RAB11FIP5: variants seen among roughly 807,000 people sequenced by gnomAD.
The protein encoded by RAB11FIP5 is RAB11 family interacting protein 5, also known as rab11 family-interacting protein 5.
In RAB11FIP5, 48 loss-of-function variants were observed where a neutral mutation model predicts 85.1. That is an observed-to-expected ratio of 0.56 (90% CI 0.45 to 0.72). The LOEUF (loss-of-function observed/expected upper bound fraction) is 0.72, where lower values mean the gene tolerates loss of function less well. Among genes scored for constraint, RAB11FIP5 ranks in the 30% least tolerant of loss-of-function variants. The pLI is 0.00. For missense variants in RAB11FIP5, 1,491 were observed against 1,687.0 expected (o/e 0.88, Z 2.04); for synonymous variants, 729 against 727.3 (o/e 1.00, Z -0.04).
At position 73,075,969 on chromosome 2, in the gene RAB11FIP5, C is replaced by A; in HGVS notation, c.3771+24G>T. 6.3e-7 allele frequency: 1 copy of A among 1,598,624 alleles called. No homozygotes were observed. The highest frequency in any genetic ancestry group is 1.1e-5 in the South Asian group (1 of 89,074). Reference sequence around the variant, plus strand: ...CTCCACCACACATTCTGTCAGATGGCCCCCACACCCTGCTGGGCCTTACCT... The same window carrying A: ...CTCCACCACACATTCTGTCAGATGGACCCCACACCCTGCTGGGCCTTACCT... On this transcript the variant is annotated intron_variant, in intron 5 of 5. Transcript: ENST00000486777. The surrounding 1 kb of genome is among the most constrained non-coding windows in gnomAD (Gnocchi z 4.6).
In RAB11FIP5 at chr2:73,088,200, C is replaced by T; in HGVS notation, c.1418G>A (p.Ser473Asn). 6.2e-7 allele frequency: 1 copy of T among 1,613,986 alleles called. No homozygotes were observed. The highest frequency in any genetic ancestry group is 8.5e-7 in the Non-Finnish European group (1 of 1,180,032). ...GLFHHHHQGL[S>N]RSELGRRSSL... ...GCTTCGGCGACCCAACTCGCTCCGACTTAGGCCTTGGTGGTGGTGGTGGAA... is the reference window on the plus strand; with the variant it reads ...GCTTCGGCGACCCAACTCGCTCCGATTTAGGCCTTGGTGGTGGTGGTGGAA... The change falls in exon 3 of 6, where the codon AGT (serine) becomes AAT (asparagine). Residue 473 changes from serine to asparagine, a missense_variant. Physicochemically the swap from Ser to Asn is conservative, Grantham distance 46. Around this residue, in one of 3 missense-constraint regions of RAB11FIP5, gnomAD observed 1,211 missense variants for 1,338.0 expected, o/e 0.91. Coordinates refer to ENST00000486777, the MANE Select transcript of RAB11FIP5 (RefSeq NM_001371272.1).
At chr2:73,095,126 C>T (rs1684292254) in intron 1 of RAB11FIP5, among the ~76,000 whole-genome samples, 1 of 152,180 alleles carries the variant, frequency 6.6e-6, no homozygotes, top group Non-Finnish European at 1.5e-5. Context: ...GACTTCATCT[C>T]TCTGTCAGGG....
intron 1 of RAB11FIP5, among the ~76,000 whole-genome samples, chr2:73,100,790 GTGTTTTTT>G (rs926543715): frequency 2.7e-5 from 4 of 150,862 alleles, no homozygotes; most frequent in Non-Finnish European, 5.9e-5. Flanking sequence ...TTTTTTGGTT[GTGTTTTTT>G]TGTTTTTTTG....
At position 73,078,270 on chromosome 2, in the gene RAB11FIP5, T is replaced by C. The variant is rs533346023; in HGVS notation, c.3581+1381A>G. ...CCCTGCGCCTCTCATGGGCTCTATT[T>C]CTTCCTTTGAGGAATGAGACAGCTC... On this transcript the variant is annotated intron_variant, in intron 4 of 5. Transcript: ENST00000486777. The surrounding 1 kb of genome is among the most constrained non-coding windows in gnomAD (Gnocchi z 4.4). 6.6e-6 allele frequency among the ~76,000 whole-genome samples: 1 copy of C among 152,362 alleles called. No individual in the cohort carries two copies. Among genetic ancestry groups the C allele is most frequent in the East Asian group, 1.9e-4 (1 of 5,194 alleles).
At chr2:73,097,183 A>C (rs1684335757) in intron 1 of RAB11FIP5, among the ~76,000 whole-genome samples, 1 of 152,158 alleles carries the variant, frequency 6.6e-6, no homozygotes, top group Non-Finnish European at 1.5e-5. Flanking sequence ...GATTACAGGC[A>C]TGTGCCACCC....
intron 1 of RAB11FIP5, among the ~76,000 whole-genome samples, chr2:73,090,669 A>C (rs781047805): frequency 6.6e-6 from 1 of 152,256 alleles, no homozygotes; most frequent in African/African-American, 2.4e-5. Flanking sequence ...GCACGACAAA[A>C]CTATTTGACA....
intron 2 of RAB11FIP5, 43 bp downstream of exon 2, chr2:73,088,836 C>G: frequency 4.6e-6 from 7 of 1,535,538 alleles, no homozygotes; most frequent in Non-Finnish European, 6.1e-6. Flanking sequence ...AAGGGGAGAG[C>G]CAGTGCCCCC....
chr2:73,111,031 C>T (rs1477124811), intron 1 of RAB11FIP5, among the ~76,000 whole-genome samples: 1 of 138,614 alleles, frequency 7.2e-6, no homozygotes, highest in African/African-American at 2.9e-5. Context: ...AAACAAGGTC[C>T]AAGCTATATA....
intron 1 of RAB11FIP5, among the ~76,000 whole-genome samples, chr2:73,106,538 CT>C (rs1198099743): frequency 6.6e-6 from 1 of 152,210 alleles, no homozygotes; most frequent in African/African-American, 2.4e-5. Flanking sequence ...CCTTTCAGGC[CT>C]CTAGAACTGC....
In RAB11FIP5 at chr2:73,089,009, G is replaced by T; in HGVS notation, c.738C>A (p.Thr246=). 11 of 1,614,204 alleles carry T rather than the reference G, an allele frequency of 6.8e-6. No homozygotes were observed. Among genetic ancestry groups the T allele is most frequent in the Non-Finnish European group, 9.3e-6 (11 of 1,180,032 alleles). Reference sequence around the variant, plus strand: ...CCGAGCCCAGCGAGGTGTTGGACTGGGTCAGGGACGACTTGCGCAGCTTGT... The same window carrying T: ...CCGAGCCCAGCGAGGTGTTGGACTGTGTCAGGGACGACTTGCGCAGCTTGT... ...LRNKLRKSSL[T]QSNTSLGSDS... The change falls in exon 2 of 6, where the codon ACC becomes ACA. Residue 246 remains threonine (T), a synonymous_variant. Coordinates refer to ENST00000486777, the MANE Select transcript of RAB11FIP5 (RefSeq NM_001371272.1). The surrounding 1 kb of genome is among the most constrained non-coding windows in gnomAD (Gnocchi z 4.6).
intron 1 of RAB11FIP5, among the ~76,000 whole-genome samples, chr2:73,097,200 G>A (rs1206307981): frequency 2.6e-5 from 4 of 152,106 alleles, no homozygotes; most frequent in African/African-American, 7.2e-5. Context: ...ACCCCGCCTG[G>A]CTAATTTTGT....
In RAB11FIP5 at chr2:73,089,354, C is replaced by T. The variant is rs1684162441; in HGVS notation, c.432-39G>A. ...GGAGCAGGCAGAACTCAGTCACGGG[C>T]CCAGGGAGCCTGGCTCCCGCCCGGT... is the stretch of plus-strand genomic sequence containing the variant. On this transcript the variant is annotated intron_variant, in intron 1 of 5. Transcript: ENST00000486777. This position sits in a 1 kb window ranked among gnomAD's most constrained non-coding sequence, Gnocchi z 4.6. 3.7e-6 allele frequency: 6 copies of T among 1,602,800 alleles called. No homozygotes were observed. The highest frequency in any genetic ancestry group is 1.7e-4 in the Middle Eastern group (1 of 6,056).
chr2:73,083,917 G>A (rs1362616037), intron 3 of RAB11FIP5, among the ~76,000 whole-genome samples: 2 of 152,224 alleles, frequency 1.3e-5, no homozygotes, highest in Non-Finnish European at 2.9e-5. Context: ...AAGGAAGAGA[G>A]TCCCATCAAC....
At chr2:73,093,053 C>T (rs948802753) in intron 1 of RAB11FIP5, among the ~76,000 whole-genome samples, 1 of 152,220 alleles carries the variant, frequency 6.6e-6, no homozygotes, top group African/African-American at 2.4e-5. Flanking sequence ...ACCTGTCGGG[C>T]ACCATGGAGG....
intron 1 of RAB11FIP5, among the ~76,000 whole-genome samples, chr2:73,100,616 G>C (rs1247958107): frequency 6.6e-6 from 1 of 151,904 alleles, no homozygotes; most frequent in African/African-American, 2.4e-5. Context: ...AGTAGAGATG[G>C]GGTTTCACCA....
At position 73,075,207 on chromosome 2, in the gene RAB11FIP5, A is replaced by C. The variant is rs762741168; in HGVS notation, c.*314T>G. 3.1e-6 allele frequency: 2 copies of C among 646,678 alleles called. No individual in the cohort carries two copies. The highest frequency in any genetic ancestry group is 4.2e-5 in the Admixed American group (2 of 48,082). 40.1% of individuals were successfully genotyped at this position (646,678 alleles called of 1,614,324 possible). On this transcript the variant is annotated 3_prime_UTR_variant, in exon 6 of 6. Coordinates refer to ENST00000486777, the MANE Select transcript of RAB11FIP5 (RefSeq NM_001371272.1). The surrounding 1 kb of genome is among the most constrained non-coding windows in gnomAD (Gnocchi z 4.6). ...TTGTCCCAGATTACTGCATCAAGCTACAGTTCACCCCTGCTCTGTCTTGGG... is the reference window on the plus strand; with the variant it reads ...TTGTCCCAGATTACTGCATCAAGCTCCAGTTCACCCCTGCTCTGTCTTGGG...
chr2:73,077,898 T>C (rs1683894344), intron 4 of RAB11FIP5, among the ~76,000 whole-genome samples: 2 of 152,040 alleles, frequency 1.3e-5, no homozygotes, highest in African/African-American at 4.8e-5. Flanking sequence ...CATTCAGGAG[T>C]AGAAAGCAAA....
In RAB11FIP5 at chr2:73,081,189, C is replaced by T; in HGVS notation, c.2043G>A (p.Leu681=). Reference sequence around the variant, plus strand: ...TCATGGCCCCAGGGCCTGGGTCTTGCAGCCCTGCCGCCTCCAGCCCCACTC... The same window carrying T: ...TCATGGCCCCAGGGCCTGGGTCTTGTAGCCCTGCCGCCTCCAGCCCCACTC... The part of the protein sequence containing the change: ...PAGVGLEAAG[L]QDPGPGAMTA... Residue 681 remains leucine, a synonymous_variant, in exon 4 of 6, where the codon CTG becomes CTA. Transcript: ENST00000486777. This position sits in a 1 kb window ranked among gnomAD's most constrained non-coding sequence, Gnocchi z 4.2. 2 of 1,232,332 alleles carry T rather than the reference C, an allele frequency of 1.6e-6. No homozygotes were observed. The highest frequency in any genetic ancestry group is 2.0e-6 in the Non-Finnish European group (2 of 988,184). 76.3% of individuals were successfully genotyped at this position (1,232,332 alleles called of 1,614,324 possible).
chr2:73,081,725 G>A lies in RAB11FIP5; in HGVS notation c.1569-62C>T. On this transcript the variant is annotated intron_variant, in intron 3 of 5. Coordinates refer to ENST00000486777, the MANE Select transcript of RAB11FIP5 (RefSeq NM_001371272.1). The surrounding 1 kb of genome is among the most constrained non-coding windows in gnomAD (Gnocchi z 4.2). ...ATGCCAAGACTGGAAAGGCCCCTGA[G>A]TCCCACGCCCCACCCCCTGCTTCGG... The A allele has an allele frequency of 8.2e-7, 1 of 1,213,630 alleles. No individual in the cohort carries two copies. 75.2% of individuals were successfully genotyped at this position (1,213,630 alleles called of 1,614,324 possible).
Sources: gnomAD v4.1 joint callset for allele counts (sites outside exome capture counted in the v4.1 genomes callset) on GRCh38, gnomAD v4.1.1 for gene constraint, gnomAD v4.1.1 regional missense constraint, Gnocchi (gnomAD v3.1) non-coding constraint, MANE v1.5 for transcripts, NCBI Gene and HGNC (gene_info 2026-07-23, HGNC 2026-07-21) for gene names.